Variants in MARCHF1 observed in about 807,000 individuals in gnomAD.
MARCHF1 encodes the protein E3 ubiquitin-protein ligase MARCHF1.
A neutral mutation model predicts 54.2 loss-of-function variants in MARCHF1; 40 were observed. The ratio of observed to expected loss-of-function variants is 0.74; its 90% CI spans 0.57 to 0.96. The LOEUF (loss-of-function observed/expected upper bound fraction) is 0.96, where lower values mean the gene tolerates loss of function less well. Among genes scored for constraint, MARCHF1 ranks in the 40% least tolerant of loss-of-function variants. The pLI is 0.00. For synonymous variants in MARCHF1, 236 were observed against 236.3 expected (o/e 1.00, Z 0.01); for missense variants, 586 against 656.5 (o/e 0.89, Z 1.17).
At chr4:164,300,148 T>C (rs576050565) in intron 1 of MARCHF1, among the ~76,000 whole-genome samples, 1 of 152,074 alleles carries the variant, frequency 6.6e-6, no homozygotes, top group South Asian at 2.1e-4. Flanking sequence ...TAAAGTCTCT[T>C]CCTCTCCTTC....
At chr4:163,636,287 A>T (rs1206657505) in intron 5 of MARCHF1, among the ~76,000 whole-genome samples, 9 of 149,352 alleles carry the variant, frequency 6.0e-5, no homozygotes, top group African/African-American at 2.0e-4. Context: ...TTCAATTAGG[A>T]AAAGAGGAAG....
intron 1 of MARCHF1, among the ~76,000 whole-genome samples, chr4:164,356,845 A>T (rs1307710216): frequency 6.6e-6 from 1 of 151,268 alleles, no homozygotes; most frequent in Non-Finnish European, 1.5e-5. Flanking sequence ...TTACTGCACA[A>T]ATCAGAAAAA....
At chr4:163,986,520 C>G (rs1200490578) in intron 3 of MARCHF1, among the ~76,000 whole-genome samples, 3 of 151,936 alleles carry the variant, frequency 2.0e-5, no homozygotes, top group Non-Finnish European at 2.9e-5. Flanking sequence ...CCGCCTCGGC[C>G]TCCCAAAGTG....
chr4:164,169,076 C>A (rs9994011), intron 1 of MARCHF1, among the ~76,000 whole-genome samples: 28,727 of 151,778 alleles, frequency 0.19, 4,356 homozygotes, highest in African/African-American at 0.41. Context: ...TTGCTGGATA[C>A]GTAGATTTTA....
intron 4 of MARCHF1, among the ~76,000 whole-genome samples, chr4:163,744,046 A>C (rs1746286560): frequency 6.6e-6 from 1 of 152,168 alleles, no homozygotes; most frequent in Non-Finnish European, 1.5e-5. Flanking sequence ...ATATTAATCT[A>C]AATTTGGAAA....
At chr4:164,088,103 G>A (rs1208736384) in intron 2 of MARCHF1, among the ~76,000 whole-genome samples, 1 of 152,120 alleles carries the variant, frequency 6.6e-6, no homozygotes, top group Non-Finnish European at 1.5e-5. Context: ...AGTTAATTTA[G>A]ACATTTGAAA....
intron 3 of MARCHF1, among the ~76,000 whole-genome samples, chr4:163,911,779 G>A (rs1255340793): frequency 6.6e-6 from 1 of 152,098 alleles, no homozygotes; most frequent in African/African-American, 2.4e-5. Flanking sequence ...CAGAGGAAAA[G>A]CCTTTGAAAA....
At chr4:163,717,332 T>A (rs1320425259) in intron 4 of MARCHF1, among the ~76,000 whole-genome samples, 1 of 151,690 alleles carries the variant, frequency 6.6e-6, no homozygotes. Flanking sequence ...GAACTCATCA[T>A]TTTTTATGGC....
intron 1 of MARCHF1, among the ~76,000 whole-genome samples, chr4:164,232,119 CAA>C (rs1383444353): frequency 2.6e-5 from 4 of 152,104 alleles, no homozygotes; most frequent in South Asian, 2.1e-4. Flanking sequence ...TCACAAAGAA[CAA>C]AGTCAGTACT....
At chr4:164,229,476 A>G (rs2111174337) in intron 1 of MARCHF1, among the ~76,000 whole-genome samples, 1 of 152,274 alleles carries the variant, frequency 6.6e-6, no homozygotes, top group East Asian at 1.9e-4. Flanking sequence ...TGTTTCTTGA[A>G]AAAGGAACTC....
intron 4 of MARCHF1, among the ~76,000 whole-genome samples, chr4:163,708,895 T>C (rs1456954320): frequency 6.6e-6 from 1 of 152,138 alleles, no homozygotes; most frequent in Middle Eastern, 3.2e-3. Context: ...TATATATGGG[T>C]ATGATGTGCA....
intron 2 of MARCHF1, among the ~76,000 whole-genome samples, chr4:164,096,265 G>T (rs1755410193): frequency 6.6e-6 from 1 of 152,128 alleles, no homozygotes; most frequent in Non-Finnish European, 1.5e-5. Context: ...ATCCTTTGCA[G>T]CAATATGGAT....
chr4:164,076,375 T>C (rs1468441321), intron 2 of MARCHF1, among the ~76,000 whole-genome samples: 3 of 152,170 alleles, frequency 2.0e-5, no homozygotes, highest in Non-Finnish European at 2.9e-5. Flanking sequence ...AAACTAGGTA[T>C]TGATGGAACG....
intron 2 of MARCHF1, among the ~76,000 whole-genome samples, chr4:164,057,893 C>A (rs146690768): frequency 1.3e-5 from 2 of 152,152 alleles, no homozygotes; most frequent in African/African-American, 4.8e-5. Flanking sequence ...AATCTCTAGA[C>A]TGGATTAAGA....
intron 3 of MARCHF1, among the ~76,000 whole-genome samples, chr4:163,938,364 G>T (rs1037073901): frequency 1.1e-4 from 16 of 152,194 alleles, no homozygotes; most frequent in African/African-American, 3.9e-4. Context: ...CAATCACTCA[G>T]CAATGAGGTG....
intron 1 of MARCHF1, among the ~76,000 whole-genome samples, chr4:164,165,719 T>C (rs1730362173): frequency 6.6e-6 from 1 of 152,030 alleles, no homozygotes; most frequent in Admixed American, 6.6e-5. Context: ...TTTAGATTAA[T>C]ACTGGGGTGG....
At chr4:164,216,469 G>GA (rs926072784) in intron 1 of MARCHF1, among the ~76,000 whole-genome samples, 7 of 151,916 alleles carry the variant, frequency 4.6e-5, no homozygotes, top group African/African-American at 1.4e-4. Context: ...GGAAAGAAAA[G>GA]AAAAAAATAT....
intron 9 of MARCHF1, among the ~76,000 whole-genome samples, chr4:163,535,204 T>C (rs1738488094): frequency 6.6e-6 from 1 of 151,940 alleles, no homozygotes; most frequent in Non-Finnish European, 1.5e-5. Flanking sequence ...GGAAAAAAAA[T>C]TGAGGGGGGT....
intron 1 of MARCHF1, among the ~76,000 whole-genome samples, chr4:164,145,300 G>A (rs182663483): frequency 0.17 from 26,069 of 150,734 alleles, 2,114 homozygotes; most frequent in African/African-American, 0.36. Context: ...GAAAAAGAGG[G>A]AATCCTCCCT....
Sources: gnomAD v4.1 joint callset for allele counts (sites outside exome capture counted in the v4.1 genomes callset) on GRCh38, gnomAD v4.1.1 for gene constraint, MANE v1.5 for transcripts, NCBI Gene and HGNC (gene_info 2026-07-23, HGNC 2026-07-21) for gene names.